The following CHD9 variants were observed in gnomAD, a reference collection of about 807,000 sequenced individuals.
CHD9 encodes chromodomain helicase DNA binding protein 9, also known as ATP-dependent chromatin remodeler CHD9.
CHD9 carries 77 observed loss-of-function variants against 316.1 expected under a neutral mutation model. That is an observed-to-expected ratio of 0.24 (90% CI 0.20 to 0.29). The LOEUF (loss-of-function observed/expected upper bound fraction) is 0.29. CHD9 is among the 10% of genes least tolerant of loss of function. The probability of loss-of-function intolerance (pLI) is 1.00; values close to 1 mark genes in which losing one functional copy is unlikely to be tolerated. For synonymous variants in CHD9, 1,129 were observed against 1,158.3 expected (o/e 0.97, Z 0.51); for missense variants, 2,763 against 3,438.1 (o/e 0.80, Z 4.91).
At chr16:53,238,177 G>C (rs1207697669) in intron 11 of CHD9, among the ~76,000 whole-genome samples, 166 bp from the exon 12 acceptor site, 2 of 152,078 alleles carry the variant, frequency 1.3e-5, no homozygotes, top group Middle Eastern at 3.4e-3. Flanking sequence ...GCCTTTGCAG[G>C]TTTATAATAA....
At chr16:53,195,238 GTCA>G (rs942253482) in intron 2 of CHD9, among the ~76,000 whole-genome samples, 3 of 152,156 alleles carry the variant, frequency 2.0e-5, no homozygotes, top group African/African-American at 7.2e-5. Context: ...ACTATGCTTG[GTCA>G]TCAAGGGCAA....
At chr16:53,059,973 A>C (rs969638818) in intron 1 of CHD9, among the ~76,000 whole-genome samples, 2 of 152,238 alleles carry the variant, frequency 1.3e-5, no homozygotes, top group Non-Finnish European at 2.9e-5. Context: ...CTTTATGGAC[A>C]CTGAAGTTTT....
chr16:53,198,368 G>A (rs542429480), intron 2 of CHD9, among the ~76,000 whole-genome samples: 1 of 140,742 alleles, frequency 7.1e-6, no homozygotes, highest in East Asian at 2.1e-4. Context: ...CGCCAGGCTA[G>A]AGTACAGTGG....
chr16:53,079,752 G>A (rs73594451), intron 1 of CHD9, among the ~76,000 whole-genome samples: 6,641 of 152,206 alleles, frequency 0.044, 483 homozygotes, highest in African/African-American at 0.15. Context: ...CTTGAACAAT[G>A]AGATTTGAGG....
intron 26 of CHD9, 87 bp from the exon 27 acceptor site, chr16:53,287,870 A>T: frequency 9.0e-7 from 1 of 1,113,462 alleles, no homozygotes; most frequent in African/African-American, 1.5e-5. Flanking sequence ...TTTAAAACAA[A>T]CTAAAACCCT....
intron 22 of CHD9, among the ~76,000 whole-genome samples, chr16:53,273,093 AAC>A (rs138531128): frequency 0.26 from 39,026 of 151,092 alleles, 5,033 homozygotes; most frequent in Middle Eastern, 0.28. Context: ...TCTCAAAAAA[AAC>A]AAAACAAAAC....
intron 20 of CHD9, among the ~76,000 whole-genome samples, chr16:53,264,798 G>A (rs1428561287): frequency 6.6e-6 from 1 of 152,028 alleles, no homozygotes; most frequent in Non-Finnish European, 1.5e-5. Context: ...CAGAGGGAAT[G>A]GCAATGAGAC....
chr16:53,288,704 C>G (rs2054093135), intron 27 of CHD9, among the ~76,000 whole-genome samples: 1 of 152,098 alleles, frequency 6.6e-6, no homozygotes, highest in Non-Finnish European at 1.5e-5. Flanking sequence ...TCAAGAGTCT[C>G]AAAGGCCAGT....
intron 15 of CHD9, among the ~76,000 whole-genome samples, chr16:53,246,581 G>GTAC (rs1309494890): frequency 2.0e-4 from 31 of 152,072 alleles, no homozygotes; most frequent in African/African-American, 7.5e-4. Flanking sequence ...GTACAGAGGT[G>GTAC]TGTTCATAGC....
At chr16:53,211,204 C>T (rs918264326) in intron 3 of CHD9, among the ~76,000 whole-genome samples, 4 of 151,966 alleles carry the variant, frequency 2.6e-5, no homozygotes, top group Admixed American at 6.6e-5. Flanking sequence ...TTACACTAAC[C>T]GTTACTTGCC....
intron 3 of CHD9, among the ~76,000 whole-genome samples, chr16:53,211,299 T>G (rs1237427953): frequency 6.6e-6 from 1 of 152,140 alleles, no homozygotes; most frequent in South Asian, 2.1e-4. Context: ...AAGAGATAAC[T>G]AGAAATAATT....
chr16:53,063,441 A>G (rs1360026783), intron 1 of CHD9, among the ~76,000 whole-genome samples: 2 of 151,900 alleles, frequency 1.3e-5, no homozygotes, highest in Non-Finnish European at 2.9e-5. Flanking sequence ...AAGTTAGGGG[A>G]AAACTGCCCT....
chr16:53,214,695 T>A (rs1159919886), intron 3 of CHD9, among the ~76,000 whole-genome samples: 2 of 152,218 alleles, frequency 1.3e-5, no homozygotes, highest in Non-Finnish European at 2.9e-5. Context: ...GTTTCATTTT[T>A]AAGAATGGTA....
At chr16:53,265,012 T>A (rs2051511870) in intron 20 of CHD9, among the ~76,000 whole-genome samples, 1 of 152,212 alleles carries the variant, frequency 6.6e-6, no homozygotes, top group South Asian at 2.1e-4. Flanking sequence ...ACTTTTGCAG[T>A]AACATTTTAA....
Position 53,318,295 on chromosome 16 carries a change from TG to T in CHD9, c.7670del (p.Gly2557GlufsTer7). On this transcript the variant is annotated frameshift_variant, in exon 37 of 39. Coordinates refer to ENST00000447540, the MANE Select transcript of CHD9 (RefSeq NM_001308319.2). LOFTEE classifies it high-confidence loss of function. The stretch of plus-strand genomic sequence containing the variant: ...ATAAACTAGATGTGAATAGTCTCAC[TG>T]GAGAAGAACGTGTTCAACTGATTAA... ...PNKLDVNSLT[G>X]EERVQLINRR... is the part of the protein sequence containing the mutation. 6.2e-7 allele frequency: 1 copy of T among 1,611,802 alleles called. No individual in the cohort carries two copies. Among genetic ancestry groups the T allele is most frequent in the Non-Finnish European group, 8.5e-7 (1 of 1,179,032 alleles).
intron 2 of CHD9, among the ~76,000 whole-genome samples, chr16:53,195,252 C>G (rs1255754770): frequency 6.6e-6 from 1 of 152,152 alleles, no homozygotes; most frequent in East Asian, 1.9e-4. Context: ...TCAAGGGCAA[C>G]CACCATTCTG....
intron 29 of CHD9, among the ~76,000 whole-genome samples, chr16:53,293,949 AG>A (rs2054570868): frequency 6.6e-6 from 1 of 152,118 alleles, no homozygotes; most frequent in African/African-American, 2.4e-5. Flanking sequence ...CCGTCTCAAA[AG>A]AAAAAAAAAA....
intron 2 of CHD9, among the ~76,000 whole-genome samples, chr16:53,203,819 C>T (rs1036958070): frequency 6.6e-6 from 1 of 151,588 alleles, no homozygotes; most frequent in African/African-American, 2.4e-5. Context: ...GTCAGGAGAT[C>T]GAGACCATCC....
chr16:53,145,692 G>A (rs537439763), intron 1 of CHD9, among the ~76,000 whole-genome samples: 2 of 151,810 alleles, frequency 1.3e-5, no homozygotes, highest in East Asian at 2.0e-4. Context: ...GGTGACAAGA[G>A]CAAAACTCCA....
Sources: gnomAD v4.1 joint callset for allele counts (sites outside exome capture counted in the v4.1 genomes callset) on GRCh38, gnomAD v4.1.1 for gene constraint, MANE v1.5 for transcripts, NCBI Gene and HGNC (gene_info 2026-07-23, HGNC 2026-07-21) for gene names.